CNTN4: variants seen among roughly 807,000 people sequenced by gnomAD.
The protein encoded by CNTN4 is contactin-4.
CNTN4 carries 77 observed loss-of-function variants against 122.5 expected under a neutral mutation model. The observed-to-expected ratio is 0.63, with a 90% CI of 0.52 to 0.76. CNTN4 has a LOEUF of 0.76. CNTN4 is among the 30% of genes least tolerant of loss of function. CNTN4 has a pLI of 0.00. For missense variants in CNTN4, 1,256 were observed against 1,259.1 expected (o/e 1.00, Z 0.04); for synonymous variants, 512 against 447.0 (o/e 1.15, Z -1.83).
intron 6 of CNTN4, among the ~76,000 whole-genome samples, chr3:2,775,848 A>C (rs1252371961): frequency 6.6e-6 from 1 of 152,156 alleles, no homozygotes; most frequent in African/African-American, 2.4e-5. Flanking sequence ...TATGAGCTCC[A>C]TGAGGGCGGG....
intron 4 of CNTN4, among the ~76,000 whole-genome samples, chr3:2,731,965 TAAGA>T (rs761944322): frequency 6.6e-6 from 1 of 152,210 alleles, no homozygotes; most frequent in Non-Finnish European, 1.5e-5. Flanking sequence ...ACAAGTGTTC[TAAGA>T]AAGAGTTAGT....
Position 2,704,010 on chromosome 3 carries a change from G to C in CNTN4, c.56-32205G>C, listed in dbSNP as rs1576504109. Among the ~76,000 whole-genome samples the C allele has an allele frequency of 6.6e-5, 10 of 152,098 alleles. No homozygotes were observed. The South Asian group carries it at 2.1e-3, about 32-fold the overall frequency. On this transcript the variant is annotated intron_variant, in intron 4 of 24. Coordinates refer to ENST00000418658, the MANE Select transcript of CNTN4 (RefSeq NM_175607.3). ...CTTCTTTCCAAGATTAAGTTGATCTGGGCTAGGCATGGTGGATCACGCCTG... is the reference window on the plus strand; with the variant it reads ...CTTCTTTCCAAGATTAAGTTGATCTCGGCTAGGCATGGTGGATCACGCCTG...
At chr3:2,742,079 A>T (rs1049718812) in intron 5 of CNTN4, among the ~76,000 whole-genome samples, 2 of 152,218 alleles carry the variant, frequency 1.3e-5, no homozygotes, top group Admixed American at 1.3e-4. Context: ...GGAGAGATCA[A>T]GTATTTTCAG....
chr3:2,425,130 C>T (rs1231869286), intron 3 of CNTN4, among the ~76,000 whole-genome samples: 1 of 152,154 alleles, frequency 6.6e-6, no homozygotes, highest in East Asian at 1.9e-4. Flanking sequence ...GTATTTTAGA[C>T]ATGAAGTGCT....
chr3:2,747,356 C>T (rs1282393891), intron 6 of CNTN4, among the ~76,000 whole-genome samples: 3 of 151,048 alleles, frequency 2.0e-5, no homozygotes, highest in African/African-American at 4.9e-5. Flanking sequence ...TTGCAGTGAG[C>T]CGAGATGGCG....
chr3:2,491,444 AT>A (rs1249525471), intron 3 of CNTN4, among the ~76,000 whole-genome samples: 1 of 152,198 alleles, frequency 6.6e-6, no homozygotes, highest in Non-Finnish European at 1.5e-5. Context: ...GTCAACTGCT[AT>A]TGAATCTAAA....
chr3:2,829,650 C>G (rs1345230411), intron 7 of CNTN4, among the ~76,000 whole-genome samples: 1 of 152,150 alleles, frequency 6.6e-6, no homozygotes, highest in Non-Finnish European at 1.5e-5. Flanking sequence ...TTCCTGTCAA[C>G]TCTTTTTAAA....
chr3:2,611,297 C>CAAAAAAAAAAAAAAAAAAAAAA (rs201162114), intron 4 of CNTN4, among the ~76,000 whole-genome samples: 18 of 62,292 alleles, frequency 2.9e-4, no homozygotes, highest in African/African-American at 5.2e-4. Context: ...CACCTGGAAC[C>CAAAAAAAAAAAAAAAAAAAAAA]AAAAAAAAAA....
chr3:2,186,128 T>C (rs1249133933), intron 2 of CNTN4, among the ~76,000 whole-genome samples: 1 of 149,454 alleles, frequency 6.7e-6, no homozygotes, highest in East Asian at 2.0e-4. Context: ...CCCCTTCCTG[T>C]GTCCAAGTGT....
chr3:2,644,776 A>G (rs2083047509), intron 4 of CNTN4, among the ~76,000 whole-genome samples: 1 of 145,654 alleles, frequency 6.9e-6, no homozygotes, highest in Non-Finnish European at 1.5e-5. Context: ...ATACTAGATT[A>G]ATATATCTGT....
chr3:2,142,450 A>T (rs1205385359), intron 2 of CNTN4, among the ~76,000 whole-genome samples: 1 of 149,566 alleles, frequency 6.7e-6, no homozygotes, highest in Non-Finnish European at 1.5e-5. Context: ...CTGCAACCTC[A>T]CCTCCCAGGT....
chr3:2,348,426 C>G (rs1356736905), intron 3 of CNTN4, among the ~76,000 whole-genome samples: 1 of 152,084 alleles, frequency 6.6e-6, no homozygotes, highest in South Asian at 2.1e-4. Flanking sequence ...GACTATGTCT[C>G]CTGTCCCTCC....
At chr3:2,154,290 G>C (rs755910256) in intron 2 of CNTN4, among the ~76,000 whole-genome samples, 2 of 151,858 alleles carry the variant, frequency 1.3e-5, no homozygotes, top group African/African-American at 2.4e-5. Context: ...TGAAGCTGAG[G>C]CAGGAGAATT....
chr3:2,604,954 G>A (rs936942344), intron 4 of CNTN4, among the ~76,000 whole-genome samples: 8 of 152,068 alleles, frequency 5.3e-5, no homozygotes, highest in Admixed American at 4.6e-4. Flanking sequence ...GCTCTATATT[G>A]TAGGGGAGAT....
intron 2 of CNTN4, among the ~76,000 whole-genome samples, chr3:2,299,514 T>A (rs1233466972): frequency 6.6e-6 from 1 of 152,130 alleles, no homozygotes; most frequent in Non-Finnish European, 1.5e-5. Flanking sequence ...TCACACTGTC[T>A]GCCTCTCAAG....
rs141535749 is a variant in CNTN4 at position 3,034,765 on chromosome 3, C to T, written c.1917C>T (p.Ser639=). 5.6e-5 allele frequency: 91 copies of T among 1,613,936 alleles called. No individual in the cohort carries two copies. Among genetic ancestry groups the T allele is most frequent in the Non-Finnish European group, 6.9e-5 (81 of 1,180,008 alleles). Residue 639 remains serine (S), a synonymous_variant, in exon 17 of 25, where the codon TCC becomes TCT. Transcript: ENST00000418658. The part of the protein sequence containing the change: ...MYVIQARTPF[S]VGWQAVSTVP... ...TCATTCAAGCCAGGACTCCATTCTC[C>T]GTGGGCTGGCAAGCAGTCAGTACAG... is the stretch of plus-strand genomic sequence containing the variant.
chr3:2,605,121 C>T (rs2081203806), intron 4 of CNTN4, among the ~76,000 whole-genome samples: 1 of 152,208 alleles, frequency 6.6e-6, no homozygotes, highest in South Asian at 2.1e-4. Flanking sequence ...ATCCTTCCAC[C>T]TCAGCTCCCA....
intron 4 of CNTN4, among the ~76,000 whole-genome samples, chr3:2,673,371 C>T (rs922476151): frequency 6.6e-6 from 1 of 152,058 alleles, no homozygotes; most frequent in Non-Finnish European, 1.5e-5. Context: ...CAAAATATAA[C>T]CCTGAATTCC....
intron 2 of CNTN4, among the ~76,000 whole-genome samples, chr3:2,246,864 A>T (rs893905242): frequency 6.6e-6 from 1 of 151,844 alleles, no homozygotes; most frequent in African/African-American, 2.4e-5. Context: ...TTGGCAGTGG[A>T]TTTGTTCAGT....
Sources: allele counts gnomAD v4.1 joint callset (sites outside exome capture counted in the v4.1 genomes callset), GRCh38; gene constraint gnomAD v4.1.1; transcripts MANE v1.5; gene names NCBI Gene and HGNC (gene_info 2026-07-23, HGNC 2026-07-21).